SPRR2G: variants seen among roughly 807,000 people sequenced by gnomAD.
The protein encoded by SPRR2G is small proline-rich protein 2G.
SPRR2G carries 1 observed loss-of-function variant against 0.7 expected under a neutral mutation model. The ratio of observed to expected loss-of-function variants is 1.49; its 90% CI spans 0.53 to 7.06. SPRR2G has a LOEUF of 7.06. SPRR2G is among the 30% of genes most tolerant of loss of function. The pLI, the probability that SPRR2G is intolerant of heterozygous loss-of-function variation, is 0.14. For missense variants in SPRR2G, 96 were observed against 88.5 expected, an observed-to-expected ratio of 1.09 and a Z score of -0.34; for synonymous variants, 38 against 33.9, an observed-to-expected ratio of 1.12 and a Z score of -0.42.
At chr1:153,197,132 A>ATGTGTGTGTGTG in the SPRR2G span, among the ~76,000 whole-genome samples, 193 of 140,490 alleles carry the variant, frequency 1.4e-3, 1 homozygote, top group East Asian at 5.0e-3. Context: ...CAGGCAGAGA[A>ATGTGTGTGTGTG]TGTGTGTGTG....
At chr1:153,152,712 G>A (rs892636531), upstream of SPRR2G, among the ~76,000 whole-genome samples, 3 of 152,138 alleles carry the variant, frequency 2.0e-5, no homozygotes, top group South Asian at 2.1e-4. Context: ...CTTTCACAGC[G>A]TTCTTTCTCA....
At chr1:153,195,758 A>G in the SPRR2G span, among the ~76,000 whole-genome samples, 2 of 152,212 alleles carry the variant, frequency 1.3e-5, no homozygotes, top group Non-Finnish European at 2.9e-5. Context: ...TGTTTTGAAC[A>G]TGCTGAGATG....
At chr1:153,176,329 C>T in the SPRR2G span, 2 of 152,160 alleles carry the variant, frequency 1.3e-5, no homozygotes, top group African/African-American at 4.8e-5. Flanking sequence ...GTTTGTTACT[C>T]ACCCATGTAT....
chr1:153,202,182 C>T, the SPRR2G span, among the ~76,000 whole-genome samples: 14 of 152,314 alleles, frequency 9.2e-5, no homozygotes, highest in African/African-American at 3.4e-4. Flanking sequence ...AAAAAGCGTG[C>T]TGATGTCACA....
the SPRR2G span, among the ~76,000 whole-genome samples, chr1:153,164,931 C>T: frequency 2.6e-5 from 4 of 152,164 alleles, no homozygotes; most frequent in Admixed American, 2.6e-4. Flanking sequence ...ACACACTTCT[C>T]TCTTCTCCCT....
chr1:153,170,986 G>A, the SPRR2G span, among the ~76,000 whole-genome samples: 5 of 152,174 alleles, frequency 3.3e-5, no homozygotes, highest in African/African-American at 4.8e-5. Context: ...CAGGATCCAC[G>A]ATCAGCTCAT....
upstream of SPRR2G, among the ~76,000 whole-genome samples, chr1:153,152,779 G>A (rs903834851): frequency 2.6e-5 from 4 of 152,146 alleles, no homozygotes; most frequent in Admixed American, 6.5e-5. Flanking sequence ...TAAGGATTAC[G>A]TGACTTAAAA....
At chr1:153,151,235 C>T (rs1259271052), upstream of SPRR2G, among the ~76,000 whole-genome samples, 3 of 152,192 alleles carry the variant, frequency 2.0e-5, no homozygotes, top group Non-Finnish European at 4.4e-5. Flanking sequence ...TGCACATGCC[C>T]AGTATCTAGC....
the SPRR2G span, among the ~76,000 whole-genome samples, chr1:153,197,383 A>G: frequency 6.6e-6 from 1 of 152,180 alleles, no homozygotes; most frequent in East Asian, 1.9e-4. Flanking sequence ...TCTGGGCCTC[A>G]TACAGATATA....
chr1:153,190,135 T>G, the SPRR2G span: 1 of 152,408 alleles, frequency 6.6e-6, no homozygotes, highest in Non-Finnish European at 1.5e-5. Context: ...CAAAGTCCCC[T>G]GCCAGCACCA....
chr1:153,168,365 G>C, the SPRR2G span, among the ~76,000 whole-genome samples: 1 of 152,184 alleles, frequency 6.6e-6, no homozygotes, highest in African/African-American at 2.4e-5. Flanking sequence ...TATATCAGGA[G>C]CTCAACTCAG....
the SPRR2G span, among the ~76,000 whole-genome samples, chr1:153,175,068 G>T: frequency 6.6e-6 from 1 of 152,144 alleles, no homozygotes; most frequent in Non-Finnish European, 1.5e-5. Context: ...TTGTTAGAAT[G>T]ATCAGAGCTA....
chr1:153,170,517 C>A, the SPRR2G span, among the ~76,000 whole-genome samples: 28 of 151,850 alleles, frequency 1.8e-4, no homozygotes, highest in Non-Finnish European at 3.4e-4. Flanking sequence ...TTATGAGTTG[C>A]AAAGAGCAGG....
chr1:153,195,464 T>C, the SPRR2G span, among the ~76,000 whole-genome samples: 1 of 152,174 alleles, frequency 6.6e-6, no homozygotes, highest in African/African-American at 2.4e-5. Flanking sequence ...AGTCAGTTCA[T>C]CTAACTGTTG....
the SPRR2G span, among the ~76,000 whole-genome samples, chr1:153,201,467 G>T: frequency 2.0e-5 from 3 of 152,192 alleles, no homozygotes; most frequent in Admixed American, 1.3e-4. Context: ...TCCATATCTA[G>T]ATTGGTAGCT....
At chr1:153,160,039 C>T in the SPRR2G span, among the ~76,000 whole-genome samples, 2 of 152,130 alleles carry the variant, frequency 1.3e-5, no homozygotes, top group Non-Finnish European at 2.9e-5. Flanking sequence ...AAACTTTATA[C>T]CCACTGAAAA....
At chr1:153,194,557 C>A in the SPRR2G span, among the ~76,000 whole-genome samples, 1 of 152,228 alleles carries the variant, frequency 6.6e-6, no homozygotes, top group Non-Finnish European at 1.5e-5. Flanking sequence ...TCATAAGGTA[C>A]AGCCTTGAAT....
chr1:153,201,428 T>C, the SPRR2G span, among the ~76,000 whole-genome samples: 3 of 152,232 alleles, frequency 2.0e-5, no homozygotes, highest in Non-Finnish European at 4.4e-5. Context: ...ACTACATTTT[T>C]TACATTGCTG....
chr1:153,182,990 C>T, the SPRR2G span, among the ~76,000 whole-genome samples: 8 of 152,000 alleles, frequency 5.3e-5, no homozygotes, highest in South Asian at 1.7e-3. Flanking sequence ...AGCTAATTTA[C>T]ACTCCCACCA....
Sources: allele counts gnomAD v4.1 joint callset (sites outside exome capture counted in the v4.1 genomes callset), GRCh38; gene constraint gnomAD v4.1.1; transcripts MANE v1.5; gene names NCBI Gene and HGNC (gene_info 2026-07-23, HGNC 2026-07-21).